The following PPIP5K2 variants were observed in gnomAD, a reference collection of about 807,000 sequenced individuals.
The protein encoded by PPIP5K2 is inositol hexakisphosphate and diphosphoinositol-pentakisphosphate kinase 2.
In PPIP5K2, 105 loss-of-function variants were observed where a neutral mutation model predicts 154.6. That is an observed-to-expected ratio of 0.68 (90% confidence interval 0.58 to 0.80). The LOEUF is 0.80. Among genes scored for constraint, PPIP5K2 ranks in the 30% least tolerant of loss-of-function variants. The probability of loss-of-function intolerance (pLI) is 0.00; values close to 1 mark genes in which losing one functional copy is unlikely to be tolerated. For missense variants in PPIP5K2, 992 were observed against 1,504.6 expected (o/e 0.66, Z 5.64); for synonymous variants, 480 against 490.3 (o/e 0.98, Z 0.28).
chr5:103,161,401 A>T (rs868984462), intron 17 of PPIP5K2, among the ~76,000 whole-genome samples: 2 of 152,150 alleles, frequency 1.3e-5, no homozygotes, highest in Non-Finnish European at 2.9e-5. Flanking sequence ...GTTATTGTGA[A>T]TGGTGCCACA....
At position 103,178,500 on chromosome 5, in the gene PPIP5K2, A is replaced by G. The variant is rs573781794; in HGVS notation, c.2754+520A>G. 2.6e-5 allele frequency among the ~76,000 whole-genome samples: 4 copies of G among 151,894 alleles called. No homozygotes were observed. The South Asian group carries it at 6.2e-4, about 24-fold the overall frequency. ...CAGTCTTAATTATTATAGCTTTATAATAAATATTGATATTGAGTATAGAAC... is the reference window on the plus strand; with the variant it reads ...CAGTCTTAATTATTATAGCTTTATAGTAAATATTGATATTGAGTATAGAAC... On this transcript the variant is annotated intron_variant, in intron 23 of 30. Transcript: ENST00000358359.
At chr5:103,145,162 C>T (rs1379918289) in intron 5 of PPIP5K2, among the ~76,000 whole-genome samples, 2 of 151,992 alleles carry the variant, frequency 1.3e-5, no homozygotes, top group African/African-American at 2.4e-5. Context: ...ATATGCTCAA[C>T]GTCACCAATC....
chr5:103,133,726 G>C (rs1193804976), intron 3 of PPIP5K2, 78 bp downstream of exon 3: 1 of 1,179,958 alleles, frequency 8.5e-7, no homozygotes, highest in Non-Finnish European at 1.1e-6. Context: ...TAGACTATGA[G>C]ATAAAACAGA....
intron 21 of PPIP5K2, among the ~76,000 whole-genome samples, chr5:103,174,551 C>T (rs1798422562): frequency 6.6e-6 from 1 of 152,002 alleles, no homozygotes. Flanking sequence ...GGGACCTCAG[C>T]TGCGGTTATC....
intron 5 of PPIP5K2, among the ~76,000 whole-genome samples, chr5:103,142,239 C>CG (rs1792865205): frequency 6.6e-6 from 1 of 152,290 alleles, no homozygotes; most frequent in African/African-American, 2.4e-5. Context: ...CTGGCACTGC[C>CG]GGGGGACCCA....
intron 6 of PPIP5K2, among the ~76,000 whole-genome samples, chr5:103,147,451 A>G (rs1554209564): frequency 1.3e-5 from 2 of 152,032 alleles, no homozygotes; most frequent in African/African-American, 4.8e-5. Context: ...ATATGAGCAC[A>G]TTCTATTAAT....
At chr5:103,145,270 G>A (rs1272953197) in intron 5 of PPIP5K2, among the ~76,000 whole-genome samples, 2 of 152,046 alleles carry the variant, frequency 1.3e-5, no homozygotes, top group Non-Finnish European at 2.9e-5. Flanking sequence ...TGTTTGTGAG[G>A]ATGTGGAGAA....
intron 30 of PPIP5K2, among the ~76,000 whole-genome samples, chr5:103,197,949 C>T (rs1241140951): frequency 6.6e-6 from 1 of 151,710 alleles, no homozygotes; most frequent in African/African-American, 2.4e-5. Context: ...TTTCTACATC[C>T]TACTTACTTT....
chr5:103,178,336 A>G (rs1799021611), intron 23 of PPIP5K2, among the ~76,000 whole-genome samples: 1 of 151,904 alleles, frequency 6.6e-6, no homozygotes, highest in Non-Finnish European at 1.5e-5. Context: ...CATAGATTCA[A>G]GAGTTCATAC....
At chr5:103,168,344 T>C in intron 19 of PPIP5K2, 49 bp downstream of exon 19, 1 of 1,406,886 alleles carries the variant, frequency 7.1e-7, no homozygotes, top group Non-Finnish European at 9.9e-7. Flanking sequence ...AAAAATACTT[T>C]TAAAATGTCT....
At chr5:103,191,175 A>G in intron 29 of PPIP5K2, 193 bp downstream of exon 29, 2 of 425,300 alleles carry the variant, frequency 4.7e-6, no homozygotes, top group Non-Finnish European at 7.9e-6. Flanking sequence ...CTCTGCCAAA[A>G]TCTTTTCTTC....
At chr5:103,162,887 G>A (rs562915551) in intron 17 of PPIP5K2, among the ~76,000 whole-genome samples, 8 of 152,060 alleles carry the variant, frequency 5.3e-5, no homozygotes, top group Non-Finnish European at 1.2e-4. Flanking sequence ...AGAATGTCAA[G>A]GTTGTTATTT....
At chr5:103,128,460 G>T (rs1554201467) in intron 1 of PPIP5K2, among the ~76,000 whole-genome samples, 2 of 151,928 alleles carry the variant, frequency 1.3e-5, no homozygotes, top group African/African-American at 4.8e-5. Flanking sequence ...AAGCTGGAGT[G>T]TAGAGGCACA....
At chr5:103,162,078 TC>T (rs1342713959) in intron 17 of PPIP5K2, among the ~76,000 whole-genome samples, 1 of 152,168 alleles carries the variant, frequency 6.6e-6, no homozygotes, top group Non-Finnish European at 1.5e-5. Flanking sequence ...CCACATATTC[TC>T]CATTCTTGGG....
At position 103,162,360 on chromosome 5, in the gene PPIP5K2, T is replaced by G. The variant is rs543913841; in HGVS notation, c.1920+3032T>G. Among the ~76,000 whole-genome samples, 296 of 151,192 alleles carry G rather than the reference T, an allele frequency of 2.0e-3. 3 individuals carry two copies. In the East Asian group the frequency reaches 0.025, roughly 13 times the overall value. ...GTCATGATGTGTTTTCTTTTTTTTT[T>G]TTTTGTTTTTTTGTTTTGTAGAGAC... On this transcript the variant is annotated intron_variant, in intron 17 of 30. Coordinates refer to ENST00000358359, the MANE Select transcript of PPIP5K2 (RefSeq NM_001276277.3).
intron 25 of PPIP5K2, 78 bp from the exon 26 acceptor site, chr5:103,184,590 TCTGG>T (rs1800061588): frequency 9.8e-7 from 1 of 1,021,380 alleles, no homozygotes. Context: ...CCTTTGTCTG[TCTGG>T]AACAGGCTGC....
Position 103,166,670 on chromosome 5 carries a change from T to TC in PPIP5K2, c.1921-505dup, listed in dbSNP as rs1428094078. 2.0e-5 allele frequency among the ~76,000 whole-genome samples: 3 copies of TC among 152,082 alleles called. No homozygotes were observed. In the East Asian group the frequency reaches 5.8e-4, roughly 29 times the overall value. Reference sequence around the variant, plus strand: ...ATTTTTCCACATACTTTCTGGAAGTTCCCCAGTATTTTGTATATGTATTAT... The same window carrying TC: ...ATTTTTCCACATACTTTCTGGAAGTTCCCCCAGTATTTTGTATATGTATTAT... On this transcript the variant is annotated intron_variant, in intron 17 of 30. Transcript: ENST00000358359.
In PPIP5K2 at chr5:103,203,374, G is replaced by A. The variant is rs1554231322; in HGVS notation, c.*1740G>A. On this transcript the variant is annotated 3_prime_UTR_variant, in exon 31 of 31. Transcript: ENST00000358359. ...ATTACTTTCCAAACTAGAAAGTACA[G>A]TACAACTAACTTTTTCCATTGTTAT... 6.6e-6 allele frequency: 1 copy of A among 152,082 alleles called. No homozygotes were observed. Among genetic ancestry groups the A allele is most frequent in the Non-Finnish European group, 1.5e-5 (1 of 67,990 alleles). 9.4% of individuals were successfully genotyped at this position (152,082 alleles called of 1,614,324 possible). A position where few individuals can be genotyped will look rare whatever the true frequency, so the allele number is the denominator to read the frequency against.
intron 5 of PPIP5K2, among the ~76,000 whole-genome samples, chr5:103,146,163 A>G (rs955873911): frequency 1.3e-5 from 2 of 152,030 alleles, no homozygotes; most frequent in Non-Finnish European, 2.9e-5. Flanking sequence ...AACTTAAATA[A>G]CTTCATGTTT....
Sources: gnomAD v4.1 joint callset for allele counts (sites outside exome capture counted in the v4.1 genomes callset) on GRCh38, gnomAD v4.1.1 for gene constraint, MANE v1.5 for transcripts, NCBI Gene and HGNC (gene_info 2026-07-23, HGNC 2026-07-21) for gene names.